The following PKNOX2 variants were observed in gnomAD, a reference collection of about 807,000 sequenced individuals.
The protein encoded by PKNOX2 is homeobox protein PKNOX2.
A neutral mutation model predicts 53.1 loss-of-function variants in PKNOX2; 14 were observed. The ratio of observed to expected loss-of-function variants is 0.26; its 90% CI spans 0.17 to 0.41. The LOEUF is 0.41. Among genes scored for constraint, PKNOX2 ranks in the 10% least tolerant of loss-of-function variants. PKNOX2 has a pLI of 1.00. For missense variants in PKNOX2, 496 were observed against 602.8 expected, an observed-to-expected ratio of 0.82 and a Z score of 1.85; for synonymous variants, 257 against 242.8, an observed-to-expected ratio of 1.06 and a Z score of -0.54.
chr11:125,223,383 C>T (rs1462843719), intron 1 of PKNOX2, among the ~76,000 whole-genome samples: 2 of 152,202 alleles, frequency 1.3e-5, no homozygotes, highest in Admixed American at 1.3e-4. Context: ...GCACCCGCCA[C>T]CATGCCCAGC....
intron 2 of PKNOX2, among the ~76,000 whole-genome samples, chr11:125,320,809 A>G (rs1949476335): frequency 6.6e-6 from 1 of 152,180 alleles, no homozygotes; most frequent in African/African-American, 2.4e-5. Context: ...AGGGAGGTGG[A>G]TATGTAAACA....
rs373291394 is a variant in PKNOX2 at position 125,337,755 on chromosome 11, C to A, written c.-23+5830C>A. Among the ~76,000 whole-genome samples, 99 of 152,234 alleles carry A rather than the reference C, an allele frequency of 6.5e-4. 2 individuals are homozygous for A. Among genetic ancestry groups the A allele is most frequent in the Middle Eastern group, 3.4e-3 (1 of 294 alleles). On this transcript the variant is annotated intron_variant, in intron 3 of 12. Coordinates refer to ENST00000298282, the MANE Select transcript of PKNOX2 (RefSeq NM_001382323.2). ...CGTCTGTTTTCTCCTTCTGGGACAT[C>A]CATTGCCCTGCACAGTGCCTGACAC...
chr11:125,364,008 A>T (rs1239267396), intron 4 of PKNOX2, among the ~76,000 whole-genome samples: 2 of 152,230 alleles, frequency 1.3e-5, no homozygotes, highest in Non-Finnish European at 2.9e-5. Context: ...ACAGGCCAGA[A>T]CAAGGCAGTT....
At chr11:125,363,776 A>G (rs1400796536) in intron 4 of PKNOX2, among the ~76,000 whole-genome samples, 2 of 151,146 alleles carry the variant, frequency 1.3e-5, no homozygotes, top group East Asian at 4.0e-4. Context: ...ACCAAAAAGA[A>G]TGGAAGAAAG....
intron 1 of PKNOX2, among the ~76,000 whole-genome samples, chr11:125,172,271 C>A (rs1955382183): frequency 6.6e-6 from 1 of 152,194 alleles, no homozygotes; most frequent in Non-Finnish European, 1.5e-5. Context: ...CCCTTACACA[C>A]TGAGGGATTT....
intron 6 of PKNOX2, 72 bp from the exon 7 acceptor site, chr11:125,397,802 G>A (rs1954501639): frequency 2.7e-6 from 4 of 1,475,690 alleles, no homozygotes; most frequent in South Asian, 1.3e-5. Flanking sequence ...TGGGGTGGTG[G>A]GGGCTGGGGG....
At chr11:125,411,196 C>T (rs1275808024) in intron 9 of PKNOX2, 1 of 315,474 alleles carries the variant, frequency 3.2e-6, no homozygotes, top group Admixed American at 4.6e-5. Context: ...AAGTCAGAGT[C>T]TGGGATCTGA....
At chr11:125,291,577 A>G (rs1298561041) in intron 2 of PKNOX2, among the ~76,000 whole-genome samples, 1 of 152,204 alleles carries the variant, frequency 6.6e-6, no homozygotes, top group Non-Finnish European at 1.5e-5. Flanking sequence ...TCCCCAAAGA[A>G]TCAAAACTAG....
intron 10 of PKNOX2, 113 bp from the exon 11 acceptor site, chr11:125,428,899 C>T: frequency 8.4e-7 from 1 of 1,192,478 alleles, no homozygotes; most frequent in Non-Finnish European, 1.2e-6. Flanking sequence ...TTTTGGTTCC[C>T]AAACCACTCG....
rs191924586 is a variant in PKNOX2 at position 125,343,622 on chromosome 11, T to C, written c.-22-7662T>C. Among the ~76,000 whole-genome samples the C allele has an allele frequency of 4.5e-3, 680 of 152,312 alleles. 4 individuals carry two copies. Among genetic ancestry groups the C allele is most frequent in the Non-Finnish European group, 8.2e-3 (561 of 68,020 alleles). On this transcript the variant is annotated intron_variant, in intron 3 of 12. Transcript: ENST00000298282. ...TAAGCTCCTCGGTAGGAAGATCTAA[T>C]GGACAATTGCCGCTATCAGGGGGAA...
intron 10 of PKNOX2, among the ~76,000 whole-genome samples, chr11:125,412,227 C>G (rs1018622685): frequency 8.5e-5 from 13 of 152,168 alleles, no homozygotes; most frequent in Non-Finnish European, 2.9e-5. Flanking sequence ...AGCCCTCCCC[C>G]TGCCGCAGCC....
chr11:125,211,335 G>T (rs938175432), intron 1 of PKNOX2, among the ~76,000 whole-genome samples: 2 of 152,052 alleles, frequency 1.3e-5, no homozygotes, highest in African/African-American at 2.4e-5. Flanking sequence ...TATTTGTTCA[G>T]TCATTCATTC....
chr11:125,181,608 G>A (rs1041368055), intron 1 of PKNOX2, among the ~76,000 whole-genome samples: 1 of 152,254 alleles, frequency 6.6e-6, no homozygotes, highest in African/African-American at 2.4e-5. Flanking sequence ...GCTGGGAGGA[G>A]GACTTGGCAC....
Position 125,165,960 on chromosome 11 carries a change from C to G in PKNOX2, c.-201+1184C>G, listed in dbSNP as rs138092055. 6.6e-5 allele frequency among the ~76,000 whole-genome samples: 10 copies of G among 152,162 alleles called. No homozygotes were observed. Among genetic ancestry groups the G allele is most frequent in the African/African-American group, 2.4e-5 (1 of 41,438 alleles). On this transcript the variant is annotated intron_variant, in intron 1 of 12. Transcript: ENST00000298282. The surrounding 1 kb of genome is among the most constrained non-coding windows in gnomAD (Gnocchi z 4.5). Reference sequence around the variant, plus strand: ...AAATGGGCCGTCCTTTCCCGGGGCTCTTCACGGGGGAGCCGGGGGTTTCCG... The same window carrying G: ...AAATGGGCCGTCCTTTCCCGGGGCTGTTCACGGGGGAGCCGGGGGTTTCCG...
At chr11:125,218,414 G>GA (rs570482005) in intron 1 of PKNOX2, among the ~76,000 whole-genome samples, 5 of 150,338 alleles carry the variant, frequency 3.3e-5, no homozygotes, top group African/African-American at 7.4e-5. Flanking sequence ...TGATGGGGGG[G>GA]GGACAGGAAC....
In PKNOX2 at chr11:125,344,848, C is replaced by T. The variant is rs74331716; in HGVS notation, c.-22-6436C>T. Reference sequence around the variant, plus strand: ...TGGGACCTGGGTCATTGTGGAGTCGCGGCTTATTTTTGACCTCTTAGCTGG... The same window carrying T: ...TGGGACCTGGGTCATTGTGGAGTCGTGGCTTATTTTTGACCTCTTAGCTGG... On this transcript the variant is annotated intron_variant, in intron 3 of 12. Transcript: ENST00000298282. 2.1e-3 allele frequency among the ~76,000 whole-genome samples: 316 copies of T among 152,198 alleles called. 4 individuals are homozygous for T. The East Asian group carries it at 0.037, about 18-fold the overall frequency.
chr11:125,181,330 C>A (rs1245992336), intron 1 of PKNOX2, among the ~76,000 whole-genome samples: 1 of 152,216 alleles, frequency 6.6e-6, no homozygotes, highest in Non-Finnish European at 1.5e-5. Flanking sequence ...CATTACGAGA[C>A]AGTAGAGTGA....
At chr11:125,427,147 G>C (rs1221322009) in intron 10 of PKNOX2, among the ~76,000 whole-genome samples, 2 of 152,200 alleles carry the variant, frequency 1.3e-5, no homozygotes, top group Admixed American at 1.3e-4. Context: ...CCAGGCACTA[G>C]GGCTTGACCC....
At chr11:125,263,131 G>A (rs1043059206) in intron 2 of PKNOX2, among the ~76,000 whole-genome samples, 6 of 152,204 alleles carry the variant, frequency 3.9e-5, no homozygotes, top group African/African-American at 1.4e-4. Context: ...CCCTGGTTGT[G>A]TGACTGGGGA....
Sources: gnomAD v4.1 joint callset for allele counts (sites outside exome capture counted in the v4.1 genomes callset) on GRCh38, gnomAD v4.1.1 for gene constraint, Gnocchi (gnomAD v3.1) non-coding constraint, MANE v1.5 for transcripts, NCBI Gene and HGNC (gene_info 2026-07-23, HGNC 2026-07-21) for gene names.